The following PAK1 variants were observed in gnomAD, a reference collection of about 807,000 sequenced individuals.
PAK1 encodes the protein p21 (RAC1) activated kinase 1.
In PAK1, 29 loss-of-function variants were observed where a neutral mutation model predicts 67.4. That is an observed-to-expected ratio of 0.43 (90% CI 0.32 to 0.59). The LOEUF (loss-of-function observed/expected upper bound fraction) is 0.59. Ranked by LOEUF, PAK1 falls within the 20% of genes least tolerant of loss-of-function variation. The pLI is 0.07. For synonymous variants in PAK1, 223 were observed against 237.4 expected, an observed-to-expected ratio of 0.94 and a Z score of 0.56; for missense variants, 337 against 670.7, an observed-to-expected ratio of 0.50 and a Z score of 5.50.
intron 1 of PAK1, among the ~76,000 whole-genome samples, chr11:77,437,497 A>T (rs1956178030): frequency 6.6e-6 from 1 of 152,198 alleles, no homozygotes; most frequent in Non-Finnish European, 1.5e-5. Context: ...CCCACAATTC[A>T]CATGAATACA....
intron 8 of PAK1, among the ~76,000 whole-genome samples, chr11:77,351,355 A>G (rs1313841889): frequency 6.6e-6 from 1 of 151,960 alleles, no homozygotes; most frequent in African/African-American, 2.4e-5. Context: ...AAGGTCCTCA[A>G]TTCACAATCT....
the PAK1 span, among the ~76,000 whole-genome samples, chr11:77,502,963 A>G: frequency 6.6e-6 from 1 of 152,144 alleles, no homozygotes; most frequent in Non-Finnish European, 1.5e-5. Context: ...TTTATAATGG[A>G]AAAAAATTAA....
chr11:77,524,675 G>A, the PAK1 span, among the ~76,000 whole-genome samples: 1 of 152,134 alleles, frequency 6.6e-6, no homozygotes, highest in Non-Finnish European at 1.5e-5. Context: ...GTGGCTTAAG[G>A]CCTGAGTCAT....
chr11:77,362,834 T>C (rs912606043), intron 5 of PAK1, among the ~76,000 whole-genome samples: 2 of 152,148 alleles, frequency 1.3e-5, no homozygotes, highest in African/African-American at 4.8e-5. Flanking sequence ...CACTCAGTAA[T>C]TGAAAAAGTG....
At chr11:77,450,051 C>A (rs1268868067) in intron 1 of PAK1, among the ~76,000 whole-genome samples, 4 of 152,102 alleles carry the variant, frequency 2.6e-5, no homozygotes. Flanking sequence ...TCCTTTTCTG[C>A]GAAATTGAAG....
chr11:77,435,243 C>T (rs1417202743), intron 1 of PAK1, among the ~76,000 whole-genome samples: 1 of 151,912 alleles, frequency 6.6e-6, no homozygotes, highest in Non-Finnish European at 1.5e-5. Flanking sequence ...CTAAACATAC[C>T]CATACACACA....
At chr11:77,428,710 G>A (rs1207731648) in intron 1 of PAK1, among the ~76,000 whole-genome samples, 1 of 151,942 alleles carries the variant, frequency 6.6e-6, no homozygotes, top group Non-Finnish European at 1.5e-5. Context: ...CAAGCAGGGT[G>A]AAAAGAGCAT....
upstream of PAK1, chr11:77,477,173 T>C (rs906578605): frequency 1.3e-5 from 2 of 152,174 alleles, no homozygotes; most frequent in African/African-American, 4.8e-5. Flanking sequence ...AGAGATGGGC[T>C]AGAAGTGGAA....
intron 1 of PAK1, among the ~76,000 whole-genome samples, chr11:77,462,185 G>A (rs1049743123): frequency 1.3e-5 from 2 of 151,988 alleles, no homozygotes; most frequent in Non-Finnish European, 2.9e-5. Flanking sequence ...AAAAAAATTA[G>A]CCAGGCGTGG....
chr11:77,328,266 A>G, intron 14 of PAK1, among the ~76,000 whole-genome samples: 1 of 152,222 alleles, frequency 6.6e-6, no homozygotes, highest in East Asian at 1.9e-4. Context: ...AATTGAACTC[A>G]GCTCTGCAAC....
At chr11:77,336,337 GT>G in intron 12 of PAK1, 55 bp from the exon 13 acceptor site, 1 of 1,376,812 alleles carries the variant, frequency 7.3e-7, no homozygotes, top group Admixed American at 1.8e-5. Context: ...ACTCACTTCA[GT>G]AAGTGTTGAC....
chr11:77,460,715 C>T (rs944172831), intron 1 of PAK1, among the ~76,000 whole-genome samples: 1 of 151,528 alleles, frequency 6.6e-6, no homozygotes, highest in Non-Finnish European at 1.5e-5. Flanking sequence ...GAGGAGCAAG[C>T]GAAGAAGAGA....
At chr11:77,520,344 A>G in the PAK1 span, among the ~76,000 whole-genome samples, 1 of 152,196 alleles carries the variant, frequency 6.6e-6, no homozygotes, top group Non-Finnish European at 1.5e-5. Flanking sequence ...GCCATCATCC[A>G]AGGCTCCAGT....
chr11:77,434,358 A>C (rs1211481896), intron 1 of PAK1, among the ~76,000 whole-genome samples: 4 of 152,248 alleles, frequency 2.6e-5, no homozygotes, highest in Non-Finnish European at 5.9e-5. Flanking sequence ...TCAGCAAAAA[A>C]ATACTGCCAA....
intron 1 of PAK1, among the ~76,000 whole-genome samples, chr11:77,419,918 T>C (rs1194767980): frequency 6.6e-6 from 1 of 152,044 alleles, no homozygotes; most frequent in Non-Finnish European, 1.5e-5. Flanking sequence ...AAATAAATAA[T>C]AATAGTAGCT....
chr11:77,498,047 A>T, the PAK1 span, among the ~76,000 whole-genome samples: 11 of 152,140 alleles, frequency 7.2e-5, no homozygotes, highest in Non-Finnish European at 1.2e-4. Flanking sequence ...TTCATTTTTT[A>T]AAAAATTCTA....
In PAK1 at chr11:77,386,033, C is replaced by G. The variant is rs183348444; in HGVS notation, c.191-6039G>C. Reference sequence around the variant, plus strand: ...AAAGAATCATCTTGATTTCATGTATCTAGAGATCTTGGGATTGAGAAAATA... The same window carrying G: ...AAAGAATCATCTTGATTTCATGTATGTAGAGATCTTGGGATTGAGAAAATA... On this transcript the variant is annotated intron_variant, in intron 2 of 14. Coordinates refer to ENST00000356341, the MANE Select transcript of PAK1 (RefSeq NM_002576.5). Among the ~76,000 whole-genome samples the G allele has an allele frequency of 3.3e-5, 5 of 152,216 alleles. No individual in the cohort carries two copies. In the East Asian group the frequency reaches 9.6e-4, roughly 29 times the overall value.
At chr11:77,357,244 G>GCAC (rs1946158388) in intron 6 of PAK1, among the ~76,000 whole-genome samples, 1 of 152,048 alleles carries the variant, frequency 6.6e-6, no homozygotes, top group African/African-American at 2.4e-5. Context: ...ACTACATCCT[G>GCAC]CACCTTGGAC....
At chr11:77,336,622 C>G (rs1433456952) in intron 12 of PAK1, among the ~76,000 whole-genome samples, 3 of 152,164 alleles carry the variant, frequency 2.0e-5, no homozygotes, top group Non-Finnish European at 4.4e-5. Flanking sequence ...TTCCCATAAT[C>G]CCAAATCTGG....
Sources: allele counts gnomAD v4.1 joint callset (sites outside exome capture counted in the v4.1 genomes callset), GRCh38; gene constraint gnomAD v4.1.1; transcripts MANE v1.5; gene names NCBI Gene and HGNC (gene_info 2026-07-23, HGNC 2026-07-21).